Variants in DPP9 observed in about 807,000 individuals in gnomAD.
The protein encoded by DPP9 is dipeptidyl peptidase IV-related protein-2.
A neutral mutation model predicts 110.7 loss-of-function variants in DPP9; 50 were observed. The observed-to-expected ratio is 0.45, with a 90% confidence interval of 0.36 to 0.57. DPP9 has a LOEUF of 0.57. DPP9 is among the 20% of genes least tolerant of loss of function. The pLI is 0.00. For missense variants in DPP9, 1,022 were observed against 1,217.9 expected (o/e 0.84, Z 2.39); for synonymous variants, 561 against 514.4 (o/e 1.09, Z -1.23).
Position 4,682,808 on chromosome 19 carries a change from A to G in DPP9, c.2362T>C (p.Trp788Arg). Residue 788 changes from tryptophan to arginine, a missense_variant, in exon 20 of 22, where the codon TGG becomes CGG. This residue lies in a region of DPP9 where 209 missense variants were observed against 280.4 expected (regional missense o/e 0.75). Transcript: ENST00000262960. The surrounding 1 kb of genome is among the most constrained non-coding windows in gnomAD (Gnocchi z 7.1). ...VAIAGAPVTV[W>R]MAYDTGYTER... ...GTGTACCCTGTGTCGTAGGCCATCCAGACGGTGACCGGGGCACCCGCGATG... is the reference window on the plus strand; with the variant it reads ...GTGTACCCTGTGTCGTAGGCCATCCGGACGGTGACCGGGGCACCCGCGATG... The G allele has an allele frequency of 6.3e-7, 1 of 1,594,202 alleles. No individual in the cohort carries two copies. The highest frequency in any genetic ancestry group is 8.5e-7 in the Non-Finnish European group (1 of 1,170,948).
rs746955840 is a variant in DPP9, at chr19:4,684,673, T to C, written c.2168A>G (p.Lys723Arg). The stretch of plus-strand genomic sequence containing the variant: ...GGGAGGAGTTGTTACCATTTGGTTT[T>C]TCAGGGCCCCTTCGAACCGAAGCCC... ...QRGLRFEGALKNQMGQVEIED... is the reference protein window; with the variant it reads ...QRGLRFEGALRNQMGQVEIED... Residue 723 changes from lysine (K) to arginine (R), a missense_variant, in exon 18 of 22, where the codon AAA becomes AGA. Transcript: ENST00000262960. The surrounding 1 kb of genome is among the most constrained non-coding windows in gnomAD (Gnocchi z 4.8). The C allele has an allele frequency of 8.7e-6, 14 of 1,613,132 alleles. No individual in the cohort carries two copies. Among genetic ancestry groups the C allele is most frequent in the South Asian group, 4.4e-5 (4 of 90,956 alleles).
chr19:4,709,966 C>G (rs925561760), intron 4 of DPP9, among the ~76,000 whole-genome samples: 4 of 152,174 alleles, frequency 2.6e-5, no homozygotes, highest in African/African-American at 9.7e-5. Flanking sequence ...TCAATGATCA[C>G]CAAATGGCCC....
chr19:4,712,677 G>T (rs1313951039), intron 4 of DPP9, among the ~76,000 whole-genome samples: 1 of 152,206 alleles, frequency 6.6e-6, no homozygotes, highest in Non-Finnish European at 1.5e-5. Flanking sequence ...GAAAGTAACA[G>T]GGACCAGGAA....
rs2093366525 is a variant in DPP9, at chr19:4,722,535, A to T, written c.-72T>A. ...TCCAGAGAGCCTCCATTCCAGCTGC[A>T]GGCGTGGGACACAGACCTTTATAGG... is the stretch of plus-strand genomic sequence containing the variant. On this transcript the variant is annotated 5_prime_UTR_variant, in exon 2 of 22. Coordinates refer to ENST00000262960, the MANE Select transcript of DPP9 (RefSeq NM_139159.5). 1 of 703,120 alleles carries T rather than the reference A, an allele frequency of 1.4e-6. No individual in the cohort carries two copies. The highest frequency in any genetic ancestry group is 1.5e-5 in the South Asian group (1 of 67,602). 43.6% of individuals were successfully genotyped at this position (703,120 alleles called of 1,614,324 possible). A position where few individuals can be genotyped will look rare whatever the true frequency, so the allele number is the denominator to read the frequency against.
chr19:4,709,230 G>T lies in DPP9; in HGVS notation c.314-3260C>A, dbSNP rs200614969. On this transcript the variant is annotated intron_variant, in intron 4 of 21. Transcript: ENST00000262960. ...ACCACACCCGGCCAGTTGTTTGTTT[G>T]TTTTTTTTTTTAAAGAAAGAAACAG... Among the ~76,000 whole-genome samples, 63 of 146,572 alleles carry T rather than the reference G, an allele frequency of 4.3e-4. No homozygotes were observed. In the East Asian group the frequency reaches 0.012, roughly 27 times the overall value.
At position 4,700,241 on chromosome 19, in the gene DPP9, TC is replaced by T; in HGVS notation, c.1048del (p.Glu350SerfsTer77). ...CTTGCCCTGGCTGTCAGTCTGGAAC[TC>T]AGCCAGTTTCAAGGCAATCTTGGGA... ...KNPKIALKLA[E>X]FQTDSQGKIV... On this transcript the variant is annotated frameshift_variant, in exon 10 of 22. Coordinates refer to ENST00000262960, the MANE Select transcript of DPP9 (RefSeq NM_139159.5). LOFTEE classifies it high-confidence loss of function. The surrounding 1 kb of genome is among the most constrained non-coding windows in gnomAD (Gnocchi z 4.3). The T allele has an allele frequency of 6.3e-7, 1 of 1,598,374 alleles. No individual in the cohort carries two copies.
intron 3 of DPP9, chr19:4,719,543 G>C (rs1449777117): frequency 4.5e-6 from 2 of 446,054 alleles, no homozygotes. Flanking sequence ...GACATCTGTG[G>C]TTGTCTCAAC....
Position 4,716,014 on chromosome 19 carries a change from G to A in DPP9, c.57-1677C>T, listed in dbSNP as rs118179725. The stretch of plus-strand genomic sequence containing the variant: ...GTCTGGAAAGGGTGGCACCGGGGCT[G>A]GTCTCGCTTCCCTTTGTGGGCTCCG... On this transcript the variant is annotated intron_variant, in intron 3 of 21. Transcript: ENST00000262960. 1,033 of 152,382 alleles carry A rather than the reference G, an allele frequency of 6.8e-3. 30 individuals carry two copies. In the East Asian group the frequency reaches 0.096, roughly 14 times the overall value. The allele number at this position is 152,382 out of a possible 1,614,324, so 9.4% of individuals were successfully genotyped here.
At chr19:4,680,674 A>AG (rs2089728718) in intron 20 of DPP9, among the ~76,000 whole-genome samples, 1 of 149,982 alleles carries the variant, frequency 6.7e-6, no homozygotes, top group Admixed American at 6.7e-5. Flanking sequence ...AAAAAAAAAA[A>AG]TGCTGAGCAT....
Position 4,689,026 on chromosome 19 carries a change from A to G in DPP9, c.1750-134T>C, listed in dbSNP as rs2091067494. 2 of 1,092,228 alleles carry G rather than the reference A, an allele frequency of 1.8e-6. No homozygotes were observed. The highest frequency in any genetic ancestry group is 3.8e-5 in the African/African-American group (2 of 52,304). 67.7% of individuals were successfully genotyped at this position (1,092,228 alleles called of 1,614,324 possible). ...TGCCCCTGCCTGTCATGAAACCTCA[A>G]AGCTCCACCCGCTGCTGCAAGGGGG... is the stretch of plus-strand genomic sequence containing the variant. On this transcript the variant is annotated intron_variant, in intron 15 of 21. Coordinates refer to ENST00000262960, the MANE Select transcript of DPP9 (RefSeq NM_139159.5). The surrounding 1 kb of genome is among the most constrained non-coding windows in gnomAD (Gnocchi z 7.0).
intron 9 of DPP9, 73 bp downstream of exon 9, chr19:4,701,954 A>G: frequency 6.4e-7 from 1 of 1,559,240 alleles, no homozygotes; most frequent in Non-Finnish European, 8.7e-7. Flanking sequence ...CCTGGGGGAC[A>G]GTGCACCTCA....
chr19:4,715,751 A>G (rs2093046244), intron 3 of DPP9: 1 of 152,106 alleles, frequency 6.6e-6, no homozygotes, highest in Non-Finnish European at 1.5e-5. Flanking sequence ...GGTGCAGGTG[A>G]AAGGGTGAAT....
rs960887247 is a variant in DPP9 at position 4,723,694 on chromosome 19, G to A, written c.-109C>T. 76 of 156,002 alleles carry A rather than the reference G, an allele frequency of 4.9e-4. No homozygotes were observed. The highest frequency in any genetic ancestry group is 1.0e-3 in the Admixed American group (16 of 15,302). The allele number at this position is 156,002 out of a possible 1,614,324, so 9.7% of individuals were successfully genotyped here. A position where few individuals can be genotyped will look rare whatever the true frequency, so the allele number is the denominator to read the frequency against. The stretch of plus-strand genomic sequence containing the variant: ...CTCACCGGGACGTGGGGCGGCGGCC[G>A]GACTGGGCAGGTCGTCCCGGGTCCA... On this transcript the variant is annotated 5_prime_UTR_variant, in exon 1 of 22. Transcript: ENST00000262960.
Position 4,689,835 on chromosome 19 carries a change from G to C in DPP9, c.1597-113C>G. ...GTTCCTCGGACTGGGGACGCATGCT[G>C]TCCTCGCCCAAGTCTGGCTTTAGGG... On this transcript the variant is annotated intron_variant, in intron 14 of 21. Coordinates refer to ENST00000262960, the MANE Select transcript of DPP9 (RefSeq NM_139159.5). The surrounding 1 kb of genome is among the most constrained non-coding windows in gnomAD (Gnocchi z 7.0). 1 of 1,181,336 alleles carries C rather than the reference G, an allele frequency of 8.5e-7. No homozygotes were observed. Among genetic ancestry groups the C allele is most frequent in the Non-Finnish European group, 1.2e-6 (1 of 866,834 alleles). The allele number at this position is 1,181,336 out of a possible 1,614,324, so 73.2% of individuals were successfully genotyped here. A position where few individuals can be genotyped will look rare whatever the true frequency, so the allele number is the denominator to read the frequency against.
chr19:4,685,247 G>A lies in DPP9; in HGVS notation c.2031+379C>T, dbSNP rs73539528. ...GACAGAGCTGCTCTGGGTAAGATGT[G>A]CGCCTAAGATGGTCCAACTGCCAAT... On this transcript the variant is annotated intron_variant, in intron 17 of 21. Transcript: ENST00000262960. This position sits in a 1 kb window ranked among gnomAD's most constrained non-coding sequence, Gnocchi z 5.8. The A allele has an allele frequency of 0.037, 19,161 of 522,166 alleles. 577 individuals carry two copies. Among genetic ancestry groups the A allele is most frequent in the East Asian group, 0.12 (2,424 of 19,694 alleles). The allele number at this position is 522,166 out of a possible 1,614,324, so 32.3% of individuals were successfully genotyped here. A position where few individuals can be genotyped will look rare whatever the true frequency, so the allele number is the denominator to read the frequency against.
At chr19:4,708,326 G>A (rs924688408) in intron 4 of DPP9, among the ~76,000 whole-genome samples, 6 of 152,234 alleles carry the variant, frequency 3.9e-5, no homozygotes, top group Middle Eastern at 3.4e-3. Context: ...ACCCTGCACC[G>A]AAGACCCCCT....
Position 4,685,097 on chromosome 19 carries a change from G to A in DPP9, c.2032-288C>T. 1 of 613,882 alleles carries A rather than the reference G, an allele frequency of 1.6e-6. No individual in the cohort carries two copies. Among genetic ancestry groups the A allele is most frequent in the Non-Finnish European group, 3.0e-6 (1 of 328,548 alleles). 38.0% of individuals were successfully genotyped at this position (613,882 alleles called of 1,614,324 possible). On this transcript the variant is annotated intron_variant, in intron 17 of 21. Coordinates refer to ENST00000262960, the MANE Select transcript of DPP9 (RefSeq NM_139159.5). This position sits in a 1 kb window ranked among gnomAD's most constrained non-coding sequence, Gnocchi z 5.8. ...CTACTCTGGCATGATGGACATTGGG[G>A]TGGCTCCTTCTCGGGTGGGGCCATC...
chr19:4,681,513 C>T (rs1381318823), intron 20 of DPP9, among the ~76,000 whole-genome samples: 1 of 151,830 alleles, frequency 6.6e-6, no homozygotes, highest in East Asian at 1.9e-4. Flanking sequence ...CATGGGGTTT[C>T]ACCGTGTTGG....
intron 20 of DPP9, among the ~76,000 whole-genome samples, chr19:4,680,227 C>G (rs1270767948): frequency 1.6e-5 from 2 of 124,990 alleles, no homozygotes; most frequent in Non-Finnish European, 3.2e-5. Context: ...CAGATGGAGA[C>G]AGCATCTCAA....
Sources: gnomAD v4.1 joint callset for allele counts (sites outside exome capture counted in the v4.1 genomes callset) on GRCh38, gnomAD v4.1.1 for gene constraint, gnomAD v4.1.1 regional missense constraint, Gnocchi (gnomAD v3.1) non-coding constraint, MANE v1.5 for transcripts, NCBI Gene and HGNC (gene_info 2026-07-23, HGNC 2026-07-21) for gene names.